MAD1L1: variants seen among roughly 807,000 people sequenced by gnomAD.
MAD1L1 encodes the protein mitotic arrest deficient 1 like 1.
In MAD1L1, 95 loss-of-function variants were observed where a neutral mutation model predicts 96.9. That is an observed-to-expected ratio of 0.98 (90% CI 0.83 to 1.16). The LOEUF (loss-of-function observed/expected upper bound fraction) is 1.16. Among genes scored for constraint, MAD1L1 ranks in the 50% most tolerant of loss-of-function variants. The pLI, the probability that MAD1L1 is intolerant of heterozygous loss-of-function variation, is 0.00. For missense variants in MAD1L1, 1,007 were observed against 954.4 expected (o/e 1.06, Z -0.73); for synonymous variants, 473 against 396.6 (o/e 1.19, Z -2.29).
At chr7:2,143,884 C>T (rs1486398136) in intron 11 of MAD1L1, among the ~76,000 whole-genome samples, 1 of 152,236 alleles carries the variant, frequency 6.6e-6, no homozygotes, top group African/African-American at 2.4e-5. Flanking sequence ...CCATCTGCAT[C>T]CACGGCCCTC....
At position 2,069,307 on chromosome 7, in the gene MAD1L1, G is replaced by T; in HGVS notation, c.1105C>A (p.Leu369Met). 6.2e-7 allele frequency: 1 copy of T among 1,607,700 alleles called. No homozygotes were observed. The change falls in exon 12 of 19, where the codon CTG becomes ATG. Residue 369 changes from leucine (L) to methionine (M), a missense_variant. Transcript: ENST00000265854. Reference protein sequence around the residue: ...ARGLEKARQQLQEELRQVSGQ... With the variant: ...ARGLEKARQQMQEELRQVSGQ... ...CTGACCTGCCGGAGCTCCTCCTGCA[G>T]CTGCTGCCTGGCCTTCTCCAGCCCC...
Position 1,902,169 on chromosome 7 carries a change from C to T in MAD1L1, c.1808-3779G>A, listed in dbSNP as rs115480466. Among the ~76,000 whole-genome samples, 502 of 152,324 alleles carry T rather than the reference C, an allele frequency of 3.3e-3. 1 individual carries two copies. The highest frequency in any genetic ancestry group is 0.011 in the African/African-American group (473 of 41,564). On this transcript the variant is annotated intron_variant, in intron 17 of 18. Transcript: ENST00000265854. ...CCACCCCCTCACCACCTTAGCCCCA[C>T]ACCTGCCTCCTCCTGGAATCACAGG...
chr7:1,919,503 C>A (rs954014967), intron 17 of MAD1L1, among the ~76,000 whole-genome samples: 1 of 152,264 alleles, frequency 6.6e-6, no homozygotes, highest in African/African-American at 2.4e-5. Flanking sequence ...GGGGAATGGG[C>A]TCATTGGGAG....
chr7:2,117,551 G>A (rs13240499), intron 11 of MAD1L1, among the ~76,000 whole-genome samples: 27,385 of 152,168 alleles, frequency 0.18, 2,900 homozygotes, highest in Middle Eastern at 0.33. Context: ...TGCTGCTCAC[G>A]TGATAGTGAG....
chr7:1,847,676 A>G (rs1783714553), intron 18 of MAD1L1: 1 of 470,736 alleles, frequency 2.1e-6, no homozygotes. Context: ...GCCTGGACGC[A>G]TACACTGGGG....
rs565509001 is a variant in MAD1L1 at position 2,046,625 on chromosome 7, C to T, written c.1218+22569G>A. On this transcript the variant is annotated intron_variant, in intron 12 of 18. Transcript: ENST00000265854. Reference sequence around the variant, plus strand: ...TGCTAAACCCCTTCCAGATCAGAAGCGACACAAACCCCGCCTCACCCGCCT... The same window carrying T: ...TGCTAAACCCCTTCCAGATCAGAAGTGACACAAACCCCGCCTCACCCGCCT... Among the ~76,000 whole-genome samples the T allele has an allele frequency of 1.8e-4, 28 of 152,292 alleles. 1 individual carries two copies. In the South Asian group the frequency reaches 5.6e-3, roughly 30 times the overall value.
At chr7:1,865,492 G>A (rs1784736677) in intron 18 of MAD1L1, among the ~76,000 whole-genome samples, 1 of 152,242 alleles carries the variant, frequency 6.6e-6, no homozygotes, top group Admixed American at 6.5e-5. Flanking sequence ...AGTCTCCTCA[G>A]AAGAAATTGC....
chr7:1,858,500 C>T (rs939886770), intron 18 of MAD1L1, among the ~76,000 whole-genome samples: 2 of 152,212 alleles, frequency 1.3e-5, no homozygotes, highest in Non-Finnish European at 2.9e-5. Context: ...CCATGTGGTG[C>T]CCCCACCTCT....
At position 2,216,342 on chromosome 7, in the gene MAD1L1, G is replaced by A. The variant is rs574021080; in HGVS notation, c.679-55C>T. The stretch of plus-strand genomic sequence containing the variant: ...GAAAAATGAGCCACGAAGAGACCTG[G>A]AGAAAATCACACGCACACGGCTAAG... On this transcript the variant is annotated intron_variant, in intron 7 of 18. Transcript: ENST00000265854. 2.4e-4 allele frequency: 381 copies of A among 1,575,090 alleles called. 2 individuals carry two copies. Among genetic ancestry groups the A allele is most frequent in the Non-Finnish European group, 2.9e-4 (336 of 1,160,430 alleles).
At chr7:2,007,159 G>C (rs1782067378) in intron 13 of MAD1L1, among the ~76,000 whole-genome samples, 2 of 152,204 alleles carry the variant, frequency 1.3e-5, no homozygotes, top group Non-Finnish European at 2.9e-5. Flanking sequence ...CCAGAGAAGA[G>C]GCGCCGAGGT....
At chr7:1,945,614 G>A (rs138179437) in intron 16 of MAD1L1, among the ~76,000 whole-genome samples, 3 of 152,212 alleles carry the variant, frequency 2.0e-5, no homozygotes, top group Non-Finnish European at 4.4e-5. Context: ...TGAGGGCAGC[G>A]GCCATCTGCA....
At chr7:1,934,192 T>C (rs1789645549) in intron 17 of MAD1L1, among the ~76,000 whole-genome samples, 1 of 152,208 alleles carries the variant, frequency 6.6e-6, no homozygotes, top group Non-Finnish European at 1.5e-5. Flanking sequence ...CCCAGGCCTC[T>C]GCTCATCCTC....
intron 17 of MAD1L1, among the ~76,000 whole-genome samples, chr7:1,928,109 AC>A (rs1477683204): frequency 1.3e-5 from 2 of 149,510 alleles, no homozygotes; most frequent in Non-Finnish European, 3.0e-5. Context: ...CACCTGCCAC[AC>A]CTGCTGCTGC....
At chr7:1,832,536 T>C (rs1447701042) in intron 18 of MAD1L1, among the ~76,000 whole-genome samples, 1 of 135,972 alleles carries the variant, frequency 7.4e-6, no homozygotes, top group African/African-American at 2.8e-5. Flanking sequence ...GTAGGTAAAA[T>C]GGTTTTAGAG....
chr7:2,069,440 T>C, intron 11 of MAD1L1, 102 bp from the exon 12 acceptor site: 6 of 1,185,020 alleles, frequency 5.1e-6, no homozygotes, highest in East Asian at 2.9e-5. Context: ...CATCCTAAAA[T>C]AGAGCTGCAC....
intron 13 of MAD1L1, among the ~76,000 whole-genome samples, chr7:2,011,972 G>A (rs1782324692): frequency 6.6e-6 from 1 of 152,108 alleles, no homozygotes; most frequent in Non-Finnish European, 1.5e-5. Context: ...AGTCAGTGCT[G>A]GTGGAGTCTG....
At chr7:2,050,965 CCATCAATTTT>C (rs1431095956) in intron 12 of MAD1L1, among the ~76,000 whole-genome samples, 1 of 152,230 alleles carries the variant, frequency 6.6e-6, no homozygotes, top group Non-Finnish European at 1.5e-5. Flanking sequence ...TTGAGCATGA[CCATCAATTTT>C]CACCTGCAGC....
rs557371845 is a variant in MAD1L1, at chr7:1,959,658, T to C, written c.1506-1939A>G. 4.6e-5 allele frequency among the ~76,000 whole-genome samples: 7 copies of C among 152,096 alleles called. No homozygotes were observed. The South Asian group carries it at 1.3e-3, about 27-fold the overall frequency. On this transcript the variant is annotated intron_variant, in intron 15 of 18. Transcript: ENST00000265854. ...AAAGAGGAGGGAGAAATTTCTGAAA[T>C]AACGAAAGAAATAAAAACCGCCACC...
intron 10 of MAD1L1, among the ~76,000 whole-genome samples, chr7:2,157,838 T>C (rs1233789367): frequency 6.6e-6 from 1 of 152,236 alleles, no homozygotes; most frequent in East Asian, 1.9e-4. Context: ...TGTGTGTGGT[T>C]AAAGCTACTC....
Sources: allele counts gnomAD v4.1 joint callset (sites outside exome capture counted in the v4.1 genomes callset), GRCh38; gene constraint gnomAD v4.1.1; transcripts MANE v1.5; gene names NCBI Gene and HGNC (gene_info 2026-07-23, HGNC 2026-07-21).